Variants in CCDC178 observed in about 807,000 individuals in gnomAD.
CCDC178 encodes the protein coiled-coil domain-containing protein 178.
Under a neutral mutation model 117.4 loss-of-function variants are expected in CCDC178, and 126 were observed. That is an observed-to-expected ratio of 1.07 (90% CI 0.93 to 1.24). CCDC178 has a LOEUF of 1.24. CCDC178 is among the 50% of genes most tolerant of loss of function. The probability of loss-of-function intolerance (pLI) is 0.00; values close to 1 mark genes in which losing one functional copy is unlikely to be tolerated. For synonymous variants in CCDC178, 283 were observed against 313.4 expected, an observed-to-expected ratio of 0.90 and a Z score of 1.02; for missense variants, 1,030 against 986.9, an observed-to-expected ratio of 1.04 and a Z score of -0.59.
At chr18:33,084,671 G>A (rs544505138) in intron 21 of CCDC178, among the ~76,000 whole-genome samples, 4 of 151,922 alleles carry the variant, frequency 2.6e-5, no homozygotes, top group Admixed American at 2.6e-4. Context: ...AATTAGCTGG[G>A]CGGGGTGGTG....
chr18:33,099,757 A>G (rs1048365995), intron 20 of CCDC178, among the ~76,000 whole-genome samples: 1 of 152,034 alleles, frequency 6.6e-6, no homozygotes, highest in African/African-American at 2.4e-5. Context: ...CAAGTCTGTA[A>G]GAATGATATG....
chr18:33,390,507 C>T lies in CCDC178; in HGVS notation c.119-878G>A, dbSNP rs370170381. 7.2e-5 allele frequency among the ~76,000 whole-genome samples: 11 copies of T among 152,018 alleles called. No homozygotes were observed. In the South Asian group the frequency reaches 1.9e-3, roughly 26 times the overall value. ...AATAATATAATGTGGACCAGTGAAA[C>T]GAATGAGCTGCAAATACATGGAGTA... On this transcript the variant is annotated intron_variant, in intron 4 of 22. Transcript: ENST00000383096.
chr18:32,947,939 C>T (rs890495179), intron 22 of CCDC178, among the ~76,000 whole-genome samples: 1 of 151,958 alleles, frequency 6.6e-6, no homozygotes, highest in South Asian at 2.1e-4. Flanking sequence ...TTTAACAGCA[C>T]CTTTTCATGA....
intron 2 of CCDC178, among the ~76,000 whole-genome samples, chr18:33,428,763 A>G (rs2064160377): frequency 6.6e-6 from 1 of 150,962 alleles, no homozygotes; most frequent in Non-Finnish European, 1.5e-5. Context: ...AGAGAAAAGA[A>G]AAAAAGAATT....
intron 9 of CCDC178, among the ~76,000 whole-genome samples, chr18:33,344,904 T>C (rs1165968501): frequency 6.7e-6 from 1 of 150,020 alleles, no homozygotes; most frequent in Admixed American, 6.7e-5. Flanking sequence ...GCATACACAG[T>C]ACAAATTCTA....
At chr18:33,079,046 C>T (rs987747583) in intron 21 of CCDC178, among the ~76,000 whole-genome samples, 4 of 152,038 alleles carry the variant, frequency 2.6e-5, no homozygotes, top group Non-Finnish European at 4.4e-5. Context: ...GCTACAGTAA[C>T]CAAAACAGAA....
intron 10 of CCDC178, among the ~76,000 whole-genome samples, chr18:33,326,918 A>G (rs1188513791): frequency 6.6e-6 from 1 of 152,080 alleles, no homozygotes. Flanking sequence ...GTCCTTTGAC[A>G]TGTTGTAATG....
At chr18:33,408,953 T>C (rs1022469307) in intron 3 of CCDC178, among the ~76,000 whole-genome samples, 1 of 152,224 alleles carries the variant, frequency 6.6e-6, no homozygotes, top group Admixed American at 6.5e-5. Context: ...TTTGTAAATG[T>C]GACTCATCTG....
chr18:33,011,849 T>TGGC, intron 21 of CCDC178, among the ~76,000 whole-genome samples: 1 of 125,840 alleles, frequency 7.9e-6, no homozygotes, highest in African/African-American at 2.9e-5. Context: ...CATTGCAGAC[T>TGGC]ACAGTTTCCC....
intron 20 of CCDC178, among the ~76,000 whole-genome samples, chr18:33,210,069 A>G (rs1382561123): frequency 6.6e-6 from 1 of 152,088 alleles, no homozygotes; most frequent in Non-Finnish European, 1.5e-5. Flanking sequence ...TGCTACTAGC[A>G]GCATGTGGAC....
rs907418435 is a variant in CCDC178 at position 33,364,263 on chromosome 18, G to T, written c.348+5787C>A. Among the ~76,000 whole-genome samples, 4 of 152,006 alleles carry T rather than the reference G, an allele frequency of 2.6e-5. No individual in the cohort carries two copies. The South Asian group carries it at 8.3e-4, about 32-fold the overall frequency. ...TGTTGGAGTACATGTGTATATGTAC[G>T]TATGTGCATGTATACCAATAGGTAA... On this transcript the variant is annotated intron_variant, in intron 6 of 22. Coordinates refer to ENST00000383096, the MANE Select transcript of CCDC178 (RefSeq NM_001105528.4).
intron 9 of CCDC178, among the ~76,000 whole-genome samples, chr18:33,339,840 T>C (rs2062792518): frequency 6.6e-6 from 1 of 152,126 alleles, no homozygotes; most frequent in African/African-American, 2.4e-5. Context: ...TCCCCAGCCA[T>C]ATGGGACTGT....
At chr18:33,205,091 A>G (rs1181838913) in intron 20 of CCDC178, among the ~76,000 whole-genome samples, 1 of 152,112 alleles carries the variant, frequency 6.6e-6, no homozygotes, top group African/African-American at 2.4e-5. Context: ...AATATAACTA[A>G]AAGTGGAATG....
At chr18:32,958,560 G>T (rs1568181335) in intron 22 of CCDC178, among the ~76,000 whole-genome samples, 1 of 152,126 alleles carries the variant, frequency 6.6e-6, no homozygotes, top group Non-Finnish European at 1.5e-5. Context: ...GGTTTGTTTT[G>T]GTAAAGAGCT....
intron 20 of CCDC178, among the ~76,000 whole-genome samples, chr18:33,115,666 C>T (rs574069750): frequency 3.3e-5 from 5 of 152,074 alleles, no homozygotes; most frequent in East Asian, 2.0e-4. Flanking sequence ...TCACCTCCCC[C>T]GCCGCCGCCC....
chr18:33,191,475 A>G (rs2144518317), intron 20 of CCDC178, among the ~76,000 whole-genome samples: 1 of 152,248 alleles, frequency 6.6e-6, no homozygotes, highest in African/African-American at 2.4e-5. Flanking sequence ...CCTATTTTCT[A>G]TACTAAGAGA....
intron 20 of CCDC178, among the ~76,000 whole-genome samples, chr18:33,189,766 T>C (rs576161536): frequency 1.2e-4 from 18 of 152,298 alleles, no homozygotes; most frequent in African/African-American, 4.3e-4. Context: ...ATTATGTTAT[T>C]ATCAACTCGG....
intron 21 of CCDC178, among the ~76,000 whole-genome samples, chr18:33,040,092 ATTTG>A (rs2056520089): frequency 6.6e-6 from 1 of 151,950 alleles, no homozygotes; most frequent in Non-Finnish European, 1.5e-5. Flanking sequence ...AAACGTTTCC[ATTTG>A]ACTACAATTT....
chr18:32,978,483 C>A (rs1300755521), intron 21 of CCDC178, among the ~76,000 whole-genome samples: 1 of 151,650 alleles, frequency 6.6e-6, no homozygotes, highest in Non-Finnish European at 1.5e-5. Flanking sequence ...TGAAAAAAAC[C>A]CATTTTAAGA....
Sources: gnomAD v4.1 joint callset for allele counts (sites outside exome capture counted in the v4.1 genomes callset) on GRCh38, gnomAD v4.1.1 for gene constraint, MANE v1.5 for transcripts, NCBI Gene and HGNC (gene_info 2026-07-23, HGNC 2026-07-21) for gene names.